Variants in EML5 observed in about 807,000 individuals in gnomAD.
EML5 encodes EMAP like 5, also known as echinoderm microtubule-associated protein-like 5.
EML5 carries 120 observed loss-of-function variants against 250.0 expected under a neutral mutation model. That is an observed-to-expected ratio of 0.48 (90% CI 0.41 to 0.56). EML5 has a LOEUF of 0.56. EML5 is among the 20% of genes least tolerant of loss of function. The pLI, the probability that EML5 is intolerant of heterozygous loss-of-function variation, is 0.00. For missense variants in EML5, 2,006 were observed against 2,437.6 expected, an observed-to-expected ratio of 0.82 and a Z score of 3.73; for synonymous variants, 771 against 806.5, an observed-to-expected ratio of 0.96 and a Z score of 0.75.
At chr14:88,786,957 G>A (rs1334174297) in intron 1 of EML5, among the ~76,000 whole-genome samples, 5 of 152,196 alleles carry the variant, frequency 3.3e-5, no homozygotes, top group African/African-American at 1.2e-4. Context: ...CACTGGATTT[G>A]GCAATGCAGA....
At position 88,614,506 on chromosome 14, in the gene EML5, C is replaced by T. The variant is rs2087293141; in HGVS notation, c.*1312G>A. 6.6e-6 allele frequency: 1 copy of T among 152,058 alleles called. No homozygotes were observed. Among genetic ancestry groups the T allele is most frequent in the Non-Finnish European group, 1.5e-5 (1 of 68,014 alleles). The allele number at this position is 152,058 out of a possible 1,614,324, so 9.4% of individuals were successfully genotyped here. On this transcript the variant is annotated 3_prime_UTR_variant, in exon 44 of 44. Transcript: ENST00000554922. ...AGAATCTTCATATATCCTGTCAGAC[C>T]AAATGGGATTCCAGGAACCTAAAGC...
intron 21 of EML5, among the ~76,000 whole-genome samples, chr14:88,669,352 C>A (rs1214106336): frequency 3.9e-5 from 6 of 152,118 alleles, no homozygotes; most frequent in Non-Finnish European, 8.8e-5. Context: ...GCTCCCTGGG[C>A]GAGGGGCAGC....
intron 7 of EML5, among the ~76,000 whole-genome samples, chr14:88,731,907 G>C (rs2093765055): frequency 1.3e-5 from 2 of 152,174 alleles, no homozygotes; most frequent in South Asian, 4.1e-4. Context: ...CCCACTTCTT[G>C]ATGGGGTTGT....
At chr14:88,787,904 A>G (rs564506645) in intron 1 of EML5, among the ~76,000 whole-genome samples, 1 of 152,214 alleles carries the variant, frequency 6.6e-6, no homozygotes, top group South Asian at 2.1e-4. Flanking sequence ...GCTTGTGTTA[A>G]GAATTCTAGG....
At chr14:88,638,412 G>A (rs2090859505) in intron 32 of EML5, among the ~76,000 whole-genome samples, 2 of 152,266 alleles carry the variant, frequency 1.3e-5, no homozygotes, top group African/African-American at 4.8e-5. Context: ...GAACCCCCAC[G>A]GAAGCAGGGT....
intron 1 of EML5, among the ~76,000 whole-genome samples, chr14:88,757,193 C>A (rs1259309400): frequency 6.6e-6 from 1 of 152,134 alleles, no homozygotes; most frequent in Non-Finnish European, 1.5e-5. Context: ...CTGATTTCAA[C>A]AAGGGTGGTG....
chr14:88,717,320 A>G (rs188343685), intron 8 of EML5, among the ~76,000 whole-genome samples: 1 of 152,284 alleles, frequency 6.6e-6, no homozygotes. Context: ...GACACAAACA[A>G]GGGGACTTTG....
chr14:88,661,895 G>T, intron 24 of EML5, 65 bp from the exon 25 acceptor site: 2 of 1,397,648 alleles, frequency 1.4e-6, no homozygotes, highest in Non-Finnish European at 1.9e-6. Context: ...CAACCAAAAT[G>T]TAAACATTTT....
In EML5 at chr14:88,685,007, A is replaced by C; in HGVS notation, c.2982+8T>G. ...AAGAAAAAAAAACAAATTAGCATTTAAAATTACCTGAACCAGAAGTGTTAT... is the reference window on the plus strand; with the variant it reads ...AAGAAAAAAAAACAAATTAGCATTTCAAATTACCTGAACCAGAAGTGTTAT... On this transcript the variant is annotated splice_region_variant and intron_variant, in intron 20 of 43. Transcript: ENST00000554922. 1.3e-6 allele frequency: 2 copies of C among 1,591,542 alleles called. No homozygotes were observed. The highest frequency in any genetic ancestry group is 1.7e-6 in the Non-Finnish European group (2 of 1,170,862).
In EML5 at chr14:88,766,199, C is replaced by T. The variant is rs147162460; in HGVS notation, c.198-11528G>A. Among the ~76,000 whole-genome samples, 406 of 152,210 alleles carry T rather than the reference C, an allele frequency of 2.7e-3. 1 individual carries two copies. Among genetic ancestry groups the T allele is most frequent in the African/African-American group, 9.0e-3 (375 of 41,540 alleles). ...ACAAATTGTTTAAACAATATGAAAT[C>T]TGGGCACCTTGAAAAAAGAACAGGA... On this transcript the variant is annotated intron_variant, in intron 1 of 43. Coordinates refer to ENST00000554922, the MANE Select transcript of EML5 (RefSeq NM_183387.3).
At chr14:88,718,414 G>A (rs1162714459) in intron 8 of EML5, among the ~76,000 whole-genome samples, 1 of 152,130 alleles carries the variant, frequency 6.6e-6, no homozygotes, top group African/African-American at 2.4e-5. Context: ...TTTACTTGCT[G>A]GGCAAAAGAT....
Position 88,792,596 on chromosome 14 carries a change from G to A in EML5, c.-93C>T. ...AACGAAAGCCCTCCCGCTGGCTGCC[G>A]GGACTTCCCGCCAGCCGCGTCCTCT... On this transcript the variant is annotated 5_prime_UTR_variant, in exon 1 of 44. Transcript: ENST00000554922. The surrounding 1 kb of genome is among the most constrained non-coding windows in gnomAD (Gnocchi z 6.9). The A allele has an allele frequency of 8.4e-7, 1 of 1,187,440 alleles. No homozygotes were observed. 73.6% of individuals were successfully genotyped at this position (1,187,440 alleles called of 1,614,324 possible). A position where few individuals can be genotyped will look rare whatever the true frequency, so the allele number is the denominator to read the frequency against.
At chr14:88,622,553 T>C in intron 37 of EML5, 51 bp downstream of exon 37, 1 of 1,398,332 alleles carries the variant, frequency 7.2e-7, no homozygotes, top group Non-Finnish European at 9.7e-7. Flanking sequence ...ATCACAGTAA[T>C]AACCACTTTC....
At chr14:88,716,763 ACG>A (rs2093501814) in intron 8 of EML5, among the ~76,000 whole-genome samples, 3 of 144,738 alleles carry the variant, frequency 2.1e-5, no homozygotes, top group South Asian at 4.4e-4. Context: ...ACACACACAC[ACG>A]GTAGAAGGTA....
At position 88,736,476 on chromosome 14, in the gene EML5, T is replaced by C; in HGVS notation, c.937A>G (p.Arg313Gly). 1.9e-6 allele frequency: 3 copies of C among 1,614,070 alleles called. No individual in the cohort carries two copies. The highest frequency in any genetic ancestry group is 2.5e-6 in the Non-Finnish European group (3 of 1,179,900). The stretch of plus-strand genomic sequence containing the variant: ...TGCATAATTAGAAAAGGTTTATTTC[T>C]TTCTTGCACCACAATTTCAAAAATT... ...SEIFEIVVQE[R>G]NKPFLIMQGH... Residue 313 changes from arginine to glycine, a missense_variant, in exon 7 of 44, where the codon AGA becomes GGA. Transcript: ENST00000554922.
At position 88,616,884 on chromosome 14, in the gene EML5, AG is replaced by A. The variant is rs1370888457; in HGVS notation, c.5643-6del. The A allele has an allele frequency of 6.2e-7, 1 of 1,612,784 alleles. No individual in the cohort carries two copies. Among genetic ancestry groups the A allele is most frequent in the Non-Finnish European group, 8.5e-7 (1 of 1,179,398 alleles). On this transcript the variant is annotated splice_polypyrimidine_tract_variant and splice_region_variant and intron_variant, in intron 41 of 43. Coordinates refer to ENST00000554922, the MANE Select transcript of EML5 (RefSeq NM_183387.3). The stretch of plus-strand genomic sequence containing the variant: ...AAAACCTCATCTCCTAGAATACTAG[AG>A]GGAAGGAACAAAAGAAAACTCATCA...
intron 1 of EML5, among the ~76,000 whole-genome samples, chr14:88,791,402 C>CA (rs1293227914): frequency 6.6e-6 from 1 of 152,102 alleles, no homozygotes; most frequent in Non-Finnish European, 1.5e-5. Flanking sequence ...CTGTAAAGGA[C>CA]AAAAAATGCT....
intron 8 of EML5, among the ~76,000 whole-genome samples, chr14:88,715,424 A>G (rs975286085): frequency 5.9e-5 from 9 of 152,188 alleles, no homozygotes; most frequent in Non-Finnish European, 8.8e-5. Context: ...CAGTTTCTAA[A>G]TTACTTTAAG....
chr14:88,762,038 GT>G (rs2140465237), intron 1 of EML5, among the ~76,000 whole-genome samples: 1 of 152,204 alleles, frequency 6.6e-6, no homozygotes, highest in South Asian at 2.1e-4. Context: ...TGATAGGGTT[GT>G]TTTTTTCTTG....
Sources: allele counts gnomAD v4.1 joint callset (sites outside exome capture counted in the v4.1 genomes callset), GRCh38; gene constraint gnomAD v4.1.1; non-coding constraint Gnocchi (gnomAD v3.1); transcripts MANE v1.5; gene names NCBI Gene and HGNC (gene_info 2026-07-23, HGNC 2026-07-21).